The following COL4A6 variants were observed in gnomAD, a reference collection of about 807,000 sequenced individuals.
COL4A6 encodes the protein collagen type IV alpha 6 chain, also known as collagen alpha-6(IV) chain.
A neutral mutation model predicts 126.7 loss-of-function variants in COL4A6; 59 were observed. The observed-to-expected ratio is 0.47, with a 90% confidence interval of 0.38 to 0.58. COL4A6 has a LOEUF of 0.58. Among genes scored for constraint, COL4A6 ranks in the 20% least tolerant of loss-of-function variants. COL4A6 has a pLI of 0.00. For missense variants in COL4A6, 1,285 were observed against 1,337.3 expected (o/e 0.96, Z 0.61); for synonymous variants, 547 against 496.6 (o/e 1.10, Z -1.35).
At chrX:108,329,964 T>G (rs751778784) in intron 2 of COL4A6, among the ~76,000 whole-genome samples, 1 of 110,909 alleles carries the variant, frequency 9.0e-6, no homozygotes, top group Admixed American at 9.7e-5. Context: ...TGTGTGTGCA[T>G]GTGCGTGTGT....
At chrX:108,341,466 C>T (rs2039562210) in intron 2 of COL4A6, among the ~76,000 whole-genome samples, 1 of 110,898 alleles carries the variant, frequency 9.0e-6, no homozygotes, top group African/African-American at 3.3e-5. Flanking sequence ...TAAGTCTCAG[C>T]AGACATGATG....
At chrX:108,433,674 C>T (rs1360405941) in intron 2 of COL4A6, among the ~76,000 whole-genome samples, 2 of 110,833 alleles carry the variant, frequency 1.8e-5, no homozygotes, top group African/African-American at 3.3e-5. Flanking sequence ...TAGGCGTGCA[C>T]CACCATGCCC....
At chrX:108,398,801 C>T (rs2041023902) in intron 2 of COL4A6, among the ~76,000 whole-genome samples, 1 of 111,353 alleles carries the variant, frequency 9.0e-6, no homozygotes, top group Non-Finnish European at 1.9e-5. Flanking sequence ...CTAGGAACTT[C>T]TCACTTCTAA....
chrX:108,278,261 G>A (rs2037680225), intron 3 of COL4A6, among the ~76,000 whole-genome samples: 1 of 111,738 alleles, frequency 8.9e-6, no homozygotes, highest in Non-Finnish European at 1.9e-5. Context: ...TTAGACGAAA[G>A]TATAACTAGA....
At chrX:108,278,365 T>G (rs1569401252) in intron 3 of COL4A6, among the ~76,000 whole-genome samples, 1 of 111,962 alleles carries the variant, frequency 8.9e-6, no homozygotes, top group African/African-American at 3.2e-5. Context: ...CAGGAGCCGA[T>G]GCAATCAACT....
chrX:108,390,364 A>C (rs2040808122), intron 2 of COL4A6, among the ~76,000 whole-genome samples: 1 of 110,806 alleles, frequency 9.0e-6, no homozygotes, highest in Non-Finnish European at 1.9e-5. Context: ...TTTCAGGTAC[A>C]CCAATCAAAC....
chrX:108,171,989 T>A (rs1040827825), intron 32 of COL4A6, among the ~76,000 whole-genome samples: 1 of 110,707 alleles, frequency 9.0e-6, no homozygotes, highest in Non-Finnish European at 1.9e-5. Context: ...GCAAAAGGGG[T>A]TTGGCCAAAG....
chrX:108,186,042 T>C (rs1455489324), intron 23 of COL4A6, among the ~76,000 whole-genome samples: 3 of 111,884 alleles, frequency 2.7e-5, no homozygotes, highest in Non-Finnish European at 5.6e-5. Context: ...GAGCATGATA[T>C]AAGGTTGAAA....
chrX:108,179,514 G>A (rs1438192850), intron 25 of COL4A6, 76 bp from the exon 26 acceptor site: 5 of 783,515 alleles, frequency 6.4e-6, no homozygotes, highest in Non-Finnish European at 5.5e-6. Context: ...CTCTGAGACA[G>A]ATTTTTCTAA....
chrX:108,367,193 T>A (rs2040218857), intron 2 of COL4A6, among the ~76,000 whole-genome samples: 1 of 112,349 alleles, frequency 8.9e-6, no homozygotes, highest in African/African-American at 3.2e-5. Context: ...ATATACTGGC[T>A]GTGTGGCCTT....
intron 5 of COL4A6, among the ~76,000 whole-genome samples, chrX:108,217,618 G>C: frequency 9.0e-6 from 1 of 111,381 alleles, no homozygotes; most frequent in East Asian, 2.8e-4. Flanking sequence ...GTAGGCTGTA[G>C]GTAGTGAGGC....
intron 2 of COL4A6, among the ~76,000 whole-genome samples, chrX:108,339,568 C>A (rs757338293): frequency 2.7e-5 from 3 of 111,442 alleles, no homozygotes; most frequent in Non-Finnish European, 5.7e-5. Flanking sequence ...ACAGATAACC[C>A]TCTCTTAAAC....
At chrX:108,215,015 G>A (rs2035820390) in intron 5 of COL4A6, among the ~76,000 whole-genome samples, 1 of 111,415 alleles carries the variant, frequency 9.0e-6, no homozygotes, top group Non-Finnish European at 1.9e-5. Flanking sequence ...TGTTGGGCAT[G>A]GAGCAAAGAG....
intron 2 of COL4A6, among the ~76,000 whole-genome samples, chrX:108,359,290 T>TA (rs1378073868): frequency 3.6e-5 from 4 of 112,392 alleles, no homozygotes; most frequent in African/African-American, 1.3e-4. Context: ...AATAAGTAAA[T>TA]TACCGAAGGC....
At chrX:108,372,387 T>C (rs2040348970) in intron 2 of COL4A6, among the ~76,000 whole-genome samples, 1 of 111,827 alleles carries the variant, frequency 8.9e-6, no homozygotes, top group African/African-American at 3.3e-5. Context: ...AAAAGGGTGA[T>C]TGGGCTGTTT....
At chrX:108,332,841 T>G (rs2039336814) in intron 2 of COL4A6, among the ~76,000 whole-genome samples, 1 of 111,585 alleles carries the variant, frequency 9.0e-6, no homozygotes, top group Non-Finnish European at 1.9e-5. Flanking sequence ...TTTAGTTGCA[T>G]TAAGTCACAT....
At chrX:108,250,353 T>G (rs370526243) in intron 3 of COL4A6, among the ~76,000 whole-genome samples, 1 of 110,385 alleles carries the variant, frequency 9.1e-6, no homozygotes, top group Non-Finnish European at 1.9e-5. Context: ...CACTACAAAG[T>G]GGCGAATGAG....
At chrX:108,429,960 C>T (rs1195914142) in intron 2 of COL4A6, among the ~76,000 whole-genome samples, 1 of 111,766 alleles carries the variant, frequency 8.9e-6, no homozygotes, top group Non-Finnish European at 1.9e-5. Context: ...ATCTCTTGAT[C>T]ACCTATGCTC....
At chrX:108,413,498 G>A (rs952946165) in intron 2 of COL4A6, among the ~76,000 whole-genome samples, 2 of 110,044 alleles carry the variant, frequency 1.8e-5, no homozygotes, top group Non-Finnish European at 3.8e-5. Flanking sequence ...TCGCTCTGTC[G>A]CCCAGGCTGG....
Sources: allele counts gnomAD v4.1 joint callset (sites outside exome capture counted in the v4.1 genomes callset), GRCh38; gene constraint gnomAD v4.1.1; transcripts MANE v1.5; gene names NCBI Gene and HGNC (gene_info 2026-07-23, HGNC 2026-07-21).